The following JAZF1 variants were observed in gnomAD, a reference collection of about 807,000 sequenced individuals.
JAZF1 encodes the protein juxtaposed with another zinc finger protein 1.
A neutral mutation model predicts 26.4 loss-of-function variants in JAZF1; 8 were observed. The observed-to-expected ratio is 0.30, with a 90% confidence interval of 0.18 to 0.55. JAZF1 has a LOEUF of 0.55. JAZF1 is among the 20% of genes least tolerant of loss of function. The pLI, the probability that JAZF1 is intolerant of heterozygous loss-of-function variation, is 0.94. For synonymous variants in JAZF1, 126 were observed against 122.3 expected (o/e 1.03, Z -0.20); for missense variants, 199 against 322.0 (o/e 0.62, Z 2.92).
In JAZF1 at chr7:27,840,429, T is replaced by C. The variant is rs1782900081; in HGVS notation, c.555+269A>G. Among the ~76,000 whole-genome samples, 1 of 152,240 alleles carries C rather than the reference T, an allele frequency of 6.6e-6. No individual in the cohort carries two copies. The highest frequency in any genetic ancestry group is 1.5e-5 in the Non-Finnish European group (1 of 68,040). ...ATGAATTTGAAGACTATCAAAGACA[T>C]GATCCTCCTACAAAAGCTCTCTCTT... On this transcript the variant is annotated intron_variant, in intron 4 of 4. Coordinates refer to ENST00000283928, the MANE Select transcript of JAZF1 (RefSeq NM_175061.4). This position sits in a 1 kb window ranked among gnomAD's most constrained non-coding sequence, Gnocchi z 5.1.
chr7:28,145,513 T>G (rs1160548695), intron 1 of JAZF1, among the ~76,000 whole-genome samples: 1 of 152,232 alleles, frequency 6.6e-6, no homozygotes, highest in Non-Finnish European at 1.5e-5. Context: ...CATAGTTTCT[T>G]GTAGGCATCC....
intron 1 of JAZF1, among the ~76,000 whole-genome samples, chr7:28,108,902 A>G (rs1171097433): frequency 6.6e-6 from 1 of 152,262 alleles, no homozygotes; most frequent in African/African-American, 2.4e-5. Flanking sequence ...TTGCAATAAC[A>G]TGAATGAACC....
At chr7:28,087,357 G>C (rs781729098) in intron 1 of JAZF1, among the ~76,000 whole-genome samples, 1 of 151,780 alleles carries the variant, frequency 6.6e-6, no homozygotes, top group South Asian at 2.1e-4. Flanking sequence ...ATTTCAGAGG[G>C]CAAAATAGAC....
rs201762032 is a variant in JAZF1, at chr7:28,009,543, G to A, written c.116-17562C>T. ...CTGTCGCCCAGGCTGGAGTGCAGTGGCACGATCTCGGCTCACTGCAACCTC... is the reference window on the plus strand; with the variant it reads ...CTGTCGCCCAGGCTGGAGTGCAGTGACACGATCTCGGCTCACTGCAACCTC... On this transcript the variant is annotated intron_variant, in intron 1 of 4. Coordinates refer to ENST00000283928, the MANE Select transcript of JAZF1 (RefSeq NM_175061.4). 0.025 allele frequency among the ~76,000 whole-genome samples: 3,756 copies of A among 151,880 alleles called. 306 individuals carry two copies. The East Asian group carries it at 0.32, about 13-fold the overall frequency.
chr7:27,919,745 G>A (rs1049185750), intron 2 of JAZF1, among the ~76,000 whole-genome samples: 3 of 152,116 alleles, frequency 2.0e-5, no homozygotes, highest in African/African-American at 7.2e-5. Context: ...AAGGAAGATT[G>A]GACCAGCAGT....
chr7:27,848,327 CTTGAT>C (rs539863360), intron 3 of JAZF1, among the ~76,000 whole-genome samples: 381 of 152,192 alleles, frequency 2.5e-3, no homozygotes, highest in Non-Finnish European at 4.5e-3. Flanking sequence ...GGATTGTTGT[CTTGAT>C]TTCTTTTTCA....
chr7:27,935,442 C>T (rs144666864), intron 2 of JAZF1, among the ~76,000 whole-genome samples: 1 of 152,246 alleles, frequency 6.6e-6, no homozygotes, highest in African/African-American at 2.4e-5. Context: ...ATGAAAGCAG[C>T]CAGACACTTT....
intron 3 of JAZF1, among the ~76,000 whole-genome samples, chr7:27,888,972 C>T (rs1783919325): frequency 1.3e-5 from 2 of 152,204 alleles, no homozygotes; most frequent in South Asian, 4.1e-4. Flanking sequence ...GTCAGTCCCA[C>T]TGGATTCATC....
chr7:27,880,630 C>T (rs185064899), intron 3 of JAZF1, among the ~76,000 whole-genome samples: 16 of 152,212 alleles, frequency 1.1e-4, no homozygotes, highest in East Asian at 5.8e-4. Context: ...GACTCCATCT[C>T]GGGGGATGGT....
chr7:28,157,601 C>A (rs1030004452), intron 1 of JAZF1, among the ~76,000 whole-genome samples: 9 of 152,166 alleles, frequency 5.9e-5, no homozygotes, highest in African/African-American at 2.2e-4. Flanking sequence ...ATTTGCCAAC[C>A]CCTGCCCGAT....
At chr7:27,846,686 G>T in intron 3 of JAZF1, 1 of 336,602 alleles carries the variant, frequency 3.0e-6, no homozygotes, top group Non-Finnish European at 6.1e-6. Flanking sequence ...TGGTGGTTTT[G>T]ATTGCATTTC....
At position 27,840,441 on chromosome 7, in the gene JAZF1, A is replaced by G. The variant is rs140262554; in HGVS notation, c.555+257T>C. Among the ~76,000 whole-genome samples, 1,722 of 152,390 alleles carry G rather than the reference A, an allele frequency of 0.011. 13 individuals are homozygous for G. The highest frequency in any genetic ancestry group is 0.034 in the Middle Eastern group (10 of 294). On this transcript the variant is annotated intron_variant, in intron 4 of 4. Transcript: ENST00000283928. This position sits in a 1 kb window ranked among gnomAD's most constrained non-coding sequence, Gnocchi z 5.1. Reference sequence around the variant, plus strand: ...ACTATCAAAGACATGATCCTCCTACAAAAGCTCTCTCTTGACTGCCAGGCT... The same window carrying G: ...ACTATCAAAGACATGATCCTCCTACGAAAGCTCTCTCTTGACTGCCAGGCT...
At chr7:28,110,521 A>AAAGGG (rs1784635463) in intron 1 of JAZF1, among the ~76,000 whole-genome samples, 14 of 60,224 alleles carry the variant, frequency 2.3e-4, no homozygotes, top group African/African-American at 6.8e-4. Context: ...AAGGAAAAGG[A>AAAGGG]AAAGGAAAAG....
chr7:27,926,480 C>T (rs1784602225), intron 2 of JAZF1, among the ~76,000 whole-genome samples: 1 of 152,198 alleles, frequency 6.6e-6, no homozygotes, highest in African/African-American at 2.4e-5. Context: ...GTAATTTGTG[C>T]ATGTCAAGAA....
At chr7:27,964,175 T>C (rs1057142961) in intron 2 of JAZF1, among the ~76,000 whole-genome samples, 4 of 152,138 alleles carry the variant, frequency 2.6e-5, no homozygotes, top group African/African-American at 4.8e-5. Flanking sequence ...CACTGGTAAA[T>C]AGCATTGTAA....
intron 1 of JAZF1, among the ~76,000 whole-genome samples, chr7:28,138,217 G>C (rs1782913450): frequency 6.6e-6 from 1 of 152,158 alleles, no homozygotes; most frequent in African/African-American, 2.4e-5. Context: ...ATTTTCAAAA[G>C]CCTGATGCTG....
At chr7:27,979,934 CAT>C (rs1269383520) in intron 2 of JAZF1, among the ~76,000 whole-genome samples, 1 of 152,194 alleles carries the variant, frequency 6.6e-6, no homozygotes, top group African/African-American at 2.4e-5. Flanking sequence ...TTACCTCTCT[CAT>C]AGAGTTTCCA....
At chr7:28,097,805 G>A (rs185089523) in intron 1 of JAZF1, among the ~76,000 whole-genome samples, 1 of 152,086 alleles carries the variant, frequency 6.6e-6, no homozygotes, top group Admixed American at 6.5e-5. Flanking sequence ...AAATGGGAGG[G>A]TGACAGGAAA....
intron 3 of JAZF1, among the ~76,000 whole-genome samples, chr7:27,877,947 G>T (rs555131171): frequency 6.6e-6 from 1 of 151,976 alleles, no homozygotes; most frequent in Non-Finnish European, 1.5e-5. Flanking sequence ...ATGCAAAGGG[G>T]GACCATCTAC....
Sources: allele counts gnomAD v4.1 joint callset (sites outside exome capture counted in the v4.1 genomes callset), GRCh38; gene constraint gnomAD v4.1.1; non-coding constraint Gnocchi (gnomAD v3.1); transcripts MANE v1.5; gene names NCBI Gene and HGNC (gene_info 2026-07-23, HGNC 2026-07-21).